LRRC75A: variants seen among roughly 807,000 people sequenced by gnomAD.
LRRC75A encodes the protein leucine-rich repeat-containing protein 75A.
In LRRC75A, 12 loss-of-function variants were observed where a neutral mutation model predicts 26.0. That is an observed-to-expected ratio of 0.46 (90% CI 0.30 to 0.75). LRRC75A has a LOEUF of 0.75. Among genes scored for constraint, LRRC75A ranks in the 30% least tolerant of loss-of-function variants. LRRC75A has a pLI of 0.08. For missense variants in LRRC75A, 410 were observed against 486.6 expected (o/e 0.84, Z 1.48); for synonymous variants, 223 against 219.3 (o/e 1.02, Z -0.15).
At chr17:16,447,642 C>T (rs531687475) in intron 3 of LRRC75A, among the ~76,000 whole-genome samples, 1 of 152,278 alleles carries the variant, frequency 6.6e-6, no homozygotes, top group East Asian at 1.9e-4. Context: ...AGAAATTTCT[C>T]ACATCTTCCT....
intron 3 of LRRC75A, among the ~76,000 whole-genome samples, chr17:16,444,941 C>G (rs534541313): frequency 2.0e-5 from 3 of 151,426 alleles, no homozygotes; most frequent in Admixed American, 2.0e-4. Flanking sequence ...CTCTGCCTCC[C>G]GGGCTCAAGT....
At chr17:16,457,061 G>T (rs1002591451) in intron 2 of LRRC75A, among the ~76,000 whole-genome samples, 3 of 152,084 alleles carry the variant, frequency 2.0e-5, no homozygotes, top group Non-Finnish European at 4.4e-5. Context: ...TGACCTGCAG[G>T]CTGACCTGGG....
intron 1 of LRRC75A, among the ~76,000 whole-genome samples, chr17:16,486,626 C>T (rs2143445525): frequency 6.6e-6 from 1 of 152,366 alleles, no homozygotes; most frequent in Admixed American, 6.5e-5. Context: ...TCAGGCTCCG[C>T]TCCCCTCCCG....
intron 1 of LRRC75A, among the ~76,000 whole-genome samples, chr17:16,467,120 T>C (rs2093775549): frequency 6.6e-6 from 1 of 152,222 alleles, no homozygotes; most frequent in East Asian, 1.9e-4. Flanking sequence ...AAAATATAGT[T>C]ATTTTCATAA....
At chr17:16,489,721 C>T (rs568195815) in intron 1 of LRRC75A, among the ~76,000 whole-genome samples, 52 of 152,364 alleles carry the variant, frequency 3.4e-4, no homozygotes, top group Non-Finnish European at 6.5e-4. Context: ...CTGCTCCATC[C>T]GTTCCAGGCC....
chr17:16,462,253 C>T lies in LRRC75A; in HGVS notation c.375+5G>A. On this transcript the variant is annotated splice_donor_5th_base_variant and intron_variant, in intron 2 of 3. Coordinates refer to ENST00000470794, the MANE Select transcript of LRRC75A (RefSeq NM_001113567.3). The surrounding 1 kb of genome is among the most constrained non-coding windows in gnomAD (Gnocchi z 4.6). ...CCTGGCTGGCTCGGACCACAGCCACCCTACCGGCTTGGGACAGTGGATGTA... is the reference window on the plus strand; with the variant it reads ...CCTGGCTGGCTCGGACCACAGCCACTCTACCGGCTTGGGACAGTGGATGTA... The T allele has an allele frequency of 6.2e-7, 1 of 1,614,050 alleles. No individual in the cohort carries two copies. Among genetic ancestry groups the T allele is most frequent in the Non-Finnish European group, 8.5e-7 (1 of 1,179,964 alleles).
In LRRC75A at chr17:16,456,344, AGAAG is replaced by A. The variant is rs1200617010; in HGVS notation, c.375+5910_375+5913del. ...GAGAAGAAGGAAGAGGAGGAGGAAG[AGAAG>A]GAAGAGGAGGAGGAAGAGAAGGAAG... On this transcript the variant is annotated intron_variant, in intron 2 of 3. Coordinates refer to ENST00000470794, the MANE Select transcript of LRRC75A (RefSeq NM_001113567.3). 3.5e-5 allele frequency among the ~76,000 whole-genome samples: 5 copies of A among 144,608 alleles called. No individual in the cohort carries two copies. In the South Asian group the frequency reaches 6.9e-4, roughly 20 times the overall value. The allele number at this position is 144,608 out of a possible 152,430, so 94.9% of individuals were successfully genotyped here. A position where few individuals can be genotyped will look rare whatever the true frequency, so the allele number is the denominator to read the frequency against.
chr17:16,465,680 T>C (rs1274226704), intron 1 of LRRC75A, among the ~76,000 whole-genome samples: 1 of 152,214 alleles, frequency 6.6e-6, no homozygotes, highest in African/African-American at 2.4e-5. Context: ...AAAATCCCAG[T>C]TGCCAACCCA....
In LRRC75A at chr17:16,485,671, CGTGTGTGTGT is replaced by C. The variant is rs139508916; in HGVS notation, c.246+6064_246+6073del. On this transcript the variant is annotated intron_variant, in intron 1 of 3. Coordinates refer to ENST00000470794, the MANE Select transcript of LRRC75A (RefSeq NM_001113567.3). ...GTGTGTGTGTGTGTGTGTGTGTGTTCGTGTGTGTGTGTGTGTGTGTGTATGCGTGGGCGCG... is the reference window on the plus strand; with the variant it reads ...GTGTGTGTGTGTGTGTGTGTGTGTTCGTGTGTGTGTGTATGCGTGGGCGCG... Among the ~76,000 whole-genome samples, 882 of 123,328 alleles carry C rather than the reference CGTGTGTGTGT, an allele frequency of 7.2e-3. 1 individual carries two copies. The highest frequency in any genetic ancestry group is 0.01 in the African/African-American group (328 of 32,498). 80.9% of individuals were successfully genotyped at this position (123,328 alleles called of 152,430 possible).
intron 1 of LRRC75A, among the ~76,000 whole-genome samples, chr17:16,488,374 T>C (rs951620152): frequency 2.0e-5 from 3 of 152,166 alleles, no homozygotes; most frequent in Non-Finnish European, 2.9e-5. Flanking sequence ...GTAGATGGAA[T>C]CCAAAAAATT....
intron 3 of LRRC75A, 41 bp from the exon 4 acceptor site, chr17:16,444,172 C>T: frequency 6.7e-7 from 1 of 1,487,716 alleles, no homozygotes; most frequent in Non-Finnish European, 9.0e-7. Context: ...GCACATAGGG[C>T]AGGCCTTTCC....
At chr17:16,449,679 C>T (rs1046876197) in intron 2 of LRRC75A, among the ~76,000 whole-genome samples, 1 of 152,168 alleles carries the variant, frequency 6.6e-6, no homozygotes, top group African/African-American at 2.4e-5. Context: ...TGCAATGGCA[C>T]GATCTCGGCT....
intron 3 of LRRC75A, among the ~76,000 whole-genome samples, chr17:16,444,413 T>A (rs1214145825): frequency 6.6e-6 from 1 of 152,166 alleles, no homozygotes; most frequent in Non-Finnish European, 1.5e-5. Flanking sequence ...TGGGCTGATA[T>A]ATGGAAGAAG....
chr17:16,458,527 G>A lies in LRRC75A; in HGVS notation c.375+3731C>T, dbSNP rs186315349. Among the ~76,000 whole-genome samples, 9 of 151,358 alleles carry A rather than the reference G, an allele frequency of 5.9e-5. No individual in the cohort carries two copies. In the East Asian group the frequency reaches 1.2e-3, roughly 20 times the overall value. On this transcript the variant is annotated intron_variant, in intron 2 of 3. Transcript: ENST00000470794. ...GTTGCCCAGGCTGGAGTGCAATGGC[G>A]CGATCTCAGCTCACGGCAACCTCCG...
intron 1 of LRRC75A, among the ~76,000 whole-genome samples, chr17:16,476,362 T>C (rs1310253171): frequency 6.6e-6 from 1 of 151,596 alleles, no homozygotes; most frequent in Non-Finnish European, 1.5e-5. Flanking sequence ...AGTGAGACTC[T>C]GTCTCAAAAA....
intron 1 of LRRC75A, among the ~76,000 whole-genome samples, chr17:16,465,529 C>T (rs763289695): frequency 1.1e-4 from 17 of 152,200 alleles, no homozygotes; most frequent in Non-Finnish European, 1.9e-4. Context: ...AACAAATGAA[C>T]GCAGTTCTGT....
intron 1 of LRRC75A, among the ~76,000 whole-genome samples, chr17:16,487,712 G>C (rs1169857024): frequency 6.6e-6 from 1 of 152,228 alleles, no homozygotes; most frequent in Non-Finnish European, 1.5e-5. Flanking sequence ...TGGGATTACA[G>C]GTGTGAGCAT....
intron 2 of LRRC75A, among the ~76,000 whole-genome samples, chr17:16,459,847 A>G (rs4792751): frequency 0.36 from 54,360 of 151,984 alleles, 10,075 homozygotes; most frequent in Non-Finnish European, 0.38. Flanking sequence ...CGCTTGCCAC[A>G]TGGGCACGAA....
At chr17:16,455,845 C>T (rs2093672733) in intron 2 of LRRC75A, among the ~76,000 whole-genome samples, 1 of 152,232 alleles carries the variant, frequency 6.6e-6, no homozygotes, top group South Asian at 2.1e-4. Context: ...TGCTGCCCTC[C>T]TTGTGAGAAA....
Sources: gnomAD v4.1 joint callset for allele counts (sites outside exome capture counted in the v4.1 genomes callset) on GRCh38, gnomAD v4.1.1 for gene constraint, Gnocchi (gnomAD v3.1) non-coding constraint, MANE v1.5 for transcripts, NCBI Gene and HGNC (gene_info 2026-07-23, HGNC 2026-07-21) for gene names.